JAZF1: variants seen among roughly 807,000 people sequenced by gnomAD.
JAZF1 encodes the protein juxtaposed with another zinc finger protein 1.
Under a neutral mutation model 26.4 loss-of-function variants are expected in JAZF1, and 8 were observed. The observed-to-expected ratio is 0.30, with a 90% CI of 0.18 to 0.55. The LOEUF (loss-of-function observed/expected upper bound fraction) is 0.55, where lower values mean the gene tolerates loss of function less well. Ranked by LOEUF, JAZF1 falls within the 20% of genes least tolerant of loss-of-function variation. The pLI, the probability that JAZF1 is intolerant of heterozygous loss-of-function variation, is 0.94. For synonymous variants in JAZF1, 126 were observed against 122.3 expected (o/e 1.03, Z -0.20); for missense variants, 199 against 322.0 (o/e 0.62, Z 2.92).
intron 2 of JAZF1, among the ~76,000 whole-genome samples, chr7:27,930,708 G>C (rs180967261): frequency 6.6e-6 from 1 of 152,038 alleles, no homozygotes; most frequent in East Asian, 1.9e-4. Flanking sequence ...GTAGGTTTTT[G>C]CTCTACCACT....
At chr7:28,133,639 C>G (rs1782834609) in intron 1 of JAZF1, among the ~76,000 whole-genome samples, 2 of 152,172 alleles carry the variant, frequency 1.3e-5, no homozygotes, top group Non-Finnish European at 2.9e-5. Context: ...AGTGTAGGAA[C>G]CTGTCCACTG....
intron 1 of JAZF1, 136 bp from the exon 2 acceptor site, chr7:27,992,117 G>A: frequency 1.4e-6 from 1 of 710,546 alleles, no homozygotes. Flanking sequence ...AACTGAGTCG[G>A]CGAAGCACAA....
rs1395814220 is a variant in JAZF1 at position 27,909,712 on chromosome 7, CAAAA to C, written c.189-14300_189-14297del. Among the ~76,000 whole-genome samples, 13 of 151,702 alleles carry C rather than the reference CAAAA, an allele frequency of 8.6e-5. No homozygotes were observed. In the South Asian group the frequency reaches 2.7e-3, roughly 32 times the overall value. On this transcript the variant is annotated intron_variant, in intron 2 of 4. Transcript: ENST00000283928. ...CAAGAGTGAAACTCCATCTCAAAAACAAAAAACAAAACAAAACAAAAAAACAAAA... is the reference window on the plus strand; with the variant it reads ...CAAGAGTGAAACTCCATCTCAAAAACAACAAAACAAAACAAAAAAACAAAA...
At chr7:28,089,165 C>T (rs980140965) in intron 1 of JAZF1, among the ~76,000 whole-genome samples, 1 of 152,136 alleles carries the variant, frequency 6.6e-6, no homozygotes, top group Non-Finnish European at 1.5e-5. Context: ...AATCTAATCC[C>T]CAATGTGATG....
intron 1 of JAZF1, among the ~76,000 whole-genome samples, chr7:28,067,246 A>T (rs1186350147): frequency 6.6e-6 from 1 of 152,210 alleles, no homozygotes; most frequent in African/African-American, 2.4e-5. Flanking sequence ...CTCAGTGAAC[A>T]TGTTTCCTTG....
At chr7:28,161,217 T>C (rs955192039) in intron 1 of JAZF1, among the ~76,000 whole-genome samples, 1 of 150,624 alleles carries the variant, frequency 6.6e-6, no homozygotes, top group African/African-American at 2.4e-5. Context: ...TAACCAGCCT[T>C]TTGGTTTTTA....
chr7:27,834,400 G>T (rs2128329883), intron 4 of JAZF1, among the ~76,000 whole-genome samples: 1 of 152,272 alleles, frequency 6.6e-6, no homozygotes, highest in South Asian at 2.1e-4. Context: ...TTGAACCCAG[G>T]GGTGCCAAGT....
chr7:27,913,131 T>C (rs1784386794), intron 2 of JAZF1, among the ~76,000 whole-genome samples: 1 of 151,852 alleles, frequency 6.6e-6, no homozygotes, highest in Non-Finnish European at 1.5e-5. Context: ...CCTGAGGGCC[T>C]CCAGAATCTG....
intron 1 of JAZF1, among the ~76,000 whole-genome samples, chr7:28,149,485 T>G (rs1783075804): frequency 6.6e-6 from 1 of 152,094 alleles, no homozygotes; most frequent in African/African-American, 2.4e-5. Flanking sequence ...ACCCCCAGTC[T>G]CTCTGCTCTA....
intron 1 of JAZF1, among the ~76,000 whole-genome samples, chr7:28,144,716 T>C (rs1233069431): frequency 6.6e-6 from 1 of 152,226 alleles, no homozygotes; most frequent in Non-Finnish European, 1.5e-5. Context: ...TATAATCATC[T>C]AGCAGCAAAT....
intron 2 of JAZF1, among the ~76,000 whole-genome samples, chr7:27,953,803 AGAT>A (rs1275570943): frequency 2.0e-5 from 3 of 152,252 alleles, no homozygotes; most frequent in Non-Finnish European, 4.4e-5. Flanking sequence ...TGAGTCTGTG[AGAT>A]GATAAGAAGT....
intron 3 of JAZF1, among the ~76,000 whole-genome samples, chr7:27,866,821 A>G (rs1181882546): frequency 6.6e-6 from 1 of 152,212 alleles, no homozygotes; most frequent in Non-Finnish European, 1.5e-5. Context: ...ATTTATTTTC[A>G]TTAATCCATT....
chr7:28,000,614 CT>C (rs1562554850), intron 1 of JAZF1, among the ~76,000 whole-genome samples: 3 of 132,994 alleles, frequency 2.3e-5, no homozygotes, highest in South Asian at 2.3e-4. Context: ...TTCTTTCTTT[CT>C]TTCTTTCTTT....
intron 3 of JAZF1, among the ~76,000 whole-genome samples, chr7:27,865,404 A>T (rs975871939): frequency 6.6e-6 from 1 of 152,188 alleles, no homozygotes; most frequent in Non-Finnish European, 1.5e-5. Flanking sequence ...AGATGTGTTC[A>T]TGAAGCTTTT....
chr7:28,120,501 C>CTGTTTTTTTTT (rs1782582268), intron 1 of JAZF1, among the ~76,000 whole-genome samples: 1 of 59,004 alleles, frequency 1.7e-5, no homozygotes, highest in African/African-American at 6.8e-5. Flanking sequence ...ACACACAGTT[C>CTGTTTTTTTTT]TTTTTTTTTT....
intron 1 of JAZF1, among the ~76,000 whole-genome samples, chr7:28,142,514 G>A (rs1401935209): frequency 1.3e-5 from 2 of 152,154 alleles, no homozygotes; most frequent in Non-Finnish European, 2.9e-5. Context: ...CAATGGAGGA[G>A]GTGACTCCAT....
chr7:27,880,323 C>T (rs956592723), intron 3 of JAZF1, among the ~76,000 whole-genome samples: 1 of 152,118 alleles, frequency 6.6e-6, no homozygotes, highest in African/African-American at 2.4e-5. Context: ...GAAAACAGAG[C>T]CCTATAGATT....
Position 28,058,216 on chromosome 7 carries a change from A to G in JAZF1, c.116-66235T>C, listed in dbSNP as rs141865889. On this transcript the variant is annotated intron_variant, in intron 1 of 4. Coordinates refer to ENST00000283928, the MANE Select transcript of JAZF1 (RefSeq NM_175061.4). ...GTCAGAGTTTGTATGCAAGGAACTC[A>G]GAAGCCAGGCTCATATACACCAAAG... is the stretch of plus-strand genomic sequence containing the variant. Among the ~76,000 whole-genome samples the G allele has an allele frequency of 4.3e-3, 656 of 152,330 alleles. 6 individuals are homozygous for G. Among genetic ancestry groups the G allele is most frequent in the Middle Eastern group, 0.024 (7 of 294 alleles).
intron 1 of JAZF1, among the ~76,000 whole-genome samples, chr7:28,152,132 T>C (rs1411864031): frequency 1.3e-5 from 2 of 152,216 alleles, no homozygotes; most frequent in African/African-American, 2.4e-5. Flanking sequence ...GGTCTGTTGA[T>C]GAATCAGAAG....
Sources: gnomAD v4.1 joint callset for allele counts (sites outside exome capture counted in the v4.1 genomes callset) on GRCh38, gnomAD v4.1.1 for gene constraint, MANE v1.5 for transcripts, NCBI Gene and HGNC (gene_info 2026-07-23, HGNC 2026-07-21) for gene names.